CFAP77: variants seen among roughly 807,000 people sequenced by gnomAD.
CFAP77 encodes the protein cilia- and flagella-associated protein 77.
Under a neutral mutation model 31.1 loss-of-function variants are expected in CFAP77, and 25 were observed. The observed-to-expected ratio is 0.80, with a 90% confidence interval of 0.59 to 1.12. CFAP77 has a LOEUF of 1.12. Among genes scored for constraint, CFAP77 ranks in the 50% most tolerant of loss-of-function variants. The pLI, the probability that CFAP77 is intolerant of heterozygous loss-of-function variation, is 0.00. For synonymous variants in CFAP77, 151 were observed against 159.9 expected (o/e 0.94, Z 0.42); for missense variants, 377 against 397.3 (o/e 0.95, Z 0.44).
intron 3 of CFAP77, chr9:132,513,381 GA>G: frequency 6.6e-7 from 1 of 1,523,528 alleles, no homozygotes. Flanking sequence ...CTTTAATATT[GA>G]AGAAATAAAA....
At chr9:132,559,876 G>A (rs1049124425) in intron 5 of CFAP77, among the ~76,000 whole-genome samples, 10 of 152,264 alleles carry the variant, frequency 6.6e-5, no homozygotes, top group African/African-American at 1.7e-4. Flanking sequence ...GTGCTATAAC[G>A]TGGATGAACC....
chr9:132,439,242 G>A (rs1311900931), intron 1 of CFAP77, among the ~76,000 whole-genome samples: 1 of 152,162 alleles, frequency 6.6e-6, no homozygotes, highest in African/African-American at 2.4e-5. Context: ...ACTGTACCCA[G>A]CCCTGAGTCC....
At chr9:132,465,049 G>A (rs1851126128) in intron 1 of CFAP77, among the ~76,000 whole-genome samples, 1 of 146,278 alleles carries the variant, frequency 6.8e-6, no homozygotes, top group East Asian at 2.0e-4. Context: ...ACTCCAGCCT[G>A]GGCGACAGAG....
Position 132,497,829 on chromosome 9 carries a change from C to A in CFAP77, c.196-866C>A, listed in dbSNP as rs146051077. Among the ~76,000 whole-genome samples the A allele has an allele frequency of 1.3e-5, 2 of 152,074 alleles. No homozygotes were observed. The highest frequency in any genetic ancestry group is 1.3e-4 in the Admixed American group (2 of 15,274). On this transcript the variant is annotated intron_variant, in intron 1 of 5. Transcript: ENST00000393216. The surrounding 1 kb of genome is among the most constrained non-coding windows in gnomAD (Gnocchi z 4.9). The stretch of plus-strand genomic sequence containing the variant: ...CAAGTGCCCACTGATGCAGCGGGTG[C>A]GATGGGGTTCGAAGCACTGTGCAGG...
chr9:132,569,374 C>G (rs528487630), intron 5 of CFAP77, among the ~76,000 whole-genome samples: 2 of 152,044 alleles, frequency 1.3e-5, no homozygotes, highest in South Asian at 4.2e-4. Context: ...CCACTGCACT[C>G]CAGCCTGGGT....
At chr9:132,466,257 C>G (rs576505053) in intron 1 of CFAP77, among the ~76,000 whole-genome samples, 4 of 152,034 alleles carry the variant, frequency 2.6e-5, no homozygotes, top group Admixed American at 1.3e-4. Context: ...TTTAAATGCC[C>G]CTTGATGATT....
At chr9:132,570,029 A>G (rs1456572414) in intron 5 of CFAP77, among the ~76,000 whole-genome samples, 1 of 152,124 alleles carries the variant, frequency 6.6e-6, no homozygotes, top group Non-Finnish European at 1.5e-5. Flanking sequence ...CACTGCTCCC[A>G]GCCTCTAGCT....
intron 1 of CFAP77, among the ~76,000 whole-genome samples, chr9:132,411,084 C>A (rs553112270): frequency 6.6e-6 from 1 of 152,396 alleles, no homozygotes; most frequent in Admixed American, 6.5e-5. Context: ...GATCACTTTC[C>A]CTTCCATTAC....
intron 5 of CFAP77, among the ~76,000 whole-genome samples, chr9:132,553,566 G>C (rs1852853652): frequency 6.6e-6 from 1 of 152,308 alleles, no homozygotes; most frequent in South Asian, 2.1e-4. Flanking sequence ...TGTGTTTCTT[G>C]CTTCTTGATC....
Position 132,513,380 on chromosome 9 carries a change from T to C in CFAP77, c.524+13780T>C, listed in dbSNP as rs144645907. 60 of 1,525,058 alleles carry C rather than the reference T, an allele frequency of 3.9e-5. No homozygotes were observed. The African/African-American group carries it at 4.7e-4, about 12-fold the overall frequency. The allele number at this position is 1,525,058 out of a possible 1,614,324, so 94.5% of individuals were successfully genotyped here. A position where few individuals can be genotyped will look rare whatever the true frequency, so the allele number is the denominator to read the frequency against. ...CGCTTCTGATCCTTTCCTTTAATATTGAAGAAATAAAACGTGTCAAACACA... is the reference window on the plus strand; with the variant it reads ...CGCTTCTGATCCTTTCCTTTAATATCGAAGAAATAAAACGTGTCAAACACA... On this transcript the variant is annotated intron_variant, in intron 3 of 5. Coordinates refer to ENST00000393216, the MANE Select transcript of CFAP77 (RefSeq NM_001282957.2).
intron 1 of CFAP77, among the ~76,000 whole-genome samples, chr9:132,436,748 C>T (rs1001210389): frequency 4.6e-5 from 7 of 152,056 alleles, no homozygotes; most frequent in South Asian, 4.1e-4. Flanking sequence ...TAATTACGAA[C>T]GCTTCAAGTG....
At chr9:132,543,255 G>A (rs112763937) in intron 5 of CFAP77, among the ~76,000 whole-genome samples, 25 of 152,236 alleles carry the variant, frequency 1.6e-4, no homozygotes, top group African/African-American at 5.8e-4. Flanking sequence ...TTCACTGAAG[G>A]GGGCAGCTGC....
chr9:132,471,586 G>A (rs1352902223), intron 1 of CFAP77, among the ~76,000 whole-genome samples: 3 of 152,128 alleles, frequency 2.0e-5, no homozygotes, highest in Admixed American at 2.0e-4. Context: ...AACATAATCA[G>A]GTAGGTTGGT....
chr9:132,419,070 G>A (rs1850162916), intron 1 of CFAP77, among the ~76,000 whole-genome samples: 1 of 152,164 alleles, frequency 6.6e-6, no homozygotes, highest in South Asian at 2.1e-4. Flanking sequence ...ACAGACATGG[G>A]TCAATGAACA....
chr9:132,442,915 G>A (rs1564205442), intron 1 of CFAP77, among the ~76,000 whole-genome samples: 1 of 152,000 alleles, frequency 6.6e-6, no homozygotes, highest in African/African-American at 2.4e-5. Flanking sequence ...CCTCTGTTTT[G>A]AAAGTTTTTT....
intron 1 of CFAP77, among the ~76,000 whole-genome samples, chr9:132,443,127 A>G (rs930489228): frequency 6.6e-6 from 1 of 152,188 alleles, no homozygotes; most frequent in African/African-American, 2.4e-5. Flanking sequence ...CGCAGCAAGT[A>G]TCAGTACGTC....
intron 1 of CFAP77, among the ~76,000 whole-genome samples, chr9:132,492,866 C>G (rs888806468): frequency 6.6e-6 from 1 of 152,138 alleles, no homozygotes; most frequent in Non-Finnish European, 1.5e-5. Context: ...TGAGACACAC[C>G]GTACTTGCAC....
Position 132,497,310 on chromosome 9 carries a change from G to A in CFAP77, c.196-1385G>A, listed in dbSNP as rs966225491. ...ACCTCTCAGCACCCAGCCTGTGGGA[G>A]CTGGAGAGAGGGGGATATAGACGAG... On this transcript the variant is annotated intron_variant, in intron 1 of 5. Transcript: ENST00000393216. This position sits in a 1 kb window ranked among gnomAD's most constrained non-coding sequence, Gnocchi z 4.9. Among the ~76,000 whole-genome samples the A allele has an allele frequency of 2.0e-5, 3 of 152,210 alleles. No individual in the cohort carries two copies. The highest frequency in any genetic ancestry group is 1.9e-4 in the East Asian group (1 of 5,194).
intron 1 of CFAP77, among the ~76,000 whole-genome samples, chr9:132,458,671 C>T (rs1447870623): frequency 6.6e-6 from 1 of 151,940 alleles, no homozygotes; most frequent in Non-Finnish European, 1.5e-5. Flanking sequence ...AGCCGCATGG[C>T]TAGTGAGACT....
Sources: gnomAD v4.1 joint callset for allele counts (sites outside exome capture counted in the v4.1 genomes callset) on GRCh38, gnomAD v4.1.1 for gene constraint, Gnocchi (gnomAD v3.1) non-coding constraint, MANE v1.5 for transcripts, NCBI Gene and HGNC (gene_info 2026-07-23, HGNC 2026-07-21) for gene names.